Variants in TBC1D5 observed in about 807,000 individuals in gnomAD.
TBC1D5 encodes the protein TBC1 domain family member 5.
A neutral mutation model predicts 100.3 loss-of-function variants in TBC1D5; 75 were observed. The ratio of observed to expected loss-of-function variants is 0.75; its 90% CI spans 0.62 to 0.91. The LOEUF is 0.91. Ranked by LOEUF, TBC1D5 falls within the 40% of genes least tolerant of loss-of-function variation. The probability of loss-of-function intolerance (pLI) is 0.00; values close to 1 mark genes in which losing one functional copy is unlikely to be tolerated. For missense variants in TBC1D5, 910 were observed against 942.4 expected (o/e 0.97, Z 0.45); for synonymous variants, 323 against 325.6 (o/e 0.99, Z 0.09).
intron 3 of TBC1D5, among the ~76,000 whole-genome samples, chr3:17,477,435 T>C (rs1377309303): frequency 1.3e-5 from 2 of 152,020 alleles, no homozygotes. Context: ...TGAAAGAATT[T>C]TCTCTTTATG....
chr3:17,628,888 T>C (rs927018872), intron 1 of TBC1D5, among the ~76,000 whole-genome samples: 1 of 152,260 alleles, frequency 6.6e-6, no homozygotes, highest in Non-Finnish European at 1.5e-5. Flanking sequence ...CTGTATGATA[T>C]AGTGAACTCA....
chr3:17,331,744 A>T (rs980494828), intron 13 of TBC1D5, among the ~76,000 whole-genome samples: 5 of 152,224 alleles, frequency 3.3e-5, no homozygotes, highest in Admixed American at 3.3e-4. Context: ...GGGATAGTGA[A>T]TCATAAACAA....
intron 3 of TBC1D5, among the ~76,000 whole-genome samples, chr3:17,484,779 C>T (rs866553639): frequency 5.9e-5 from 9 of 151,970 alleles, no homozygotes; most frequent in Non-Finnish European, 1.2e-4. Flanking sequence ...CCACTAGGCC[C>T]GACCTTAAAA....
intron 3 of TBC1D5, among the ~76,000 whole-genome samples, chr3:17,432,760 A>G (rs1450725918): frequency 6.6e-6 from 1 of 152,224 alleles, no homozygotes; most frequent in Non-Finnish European, 1.5e-5. Context: ...AATTTGAGAA[A>G]AGGATGCTTT....
intron 9 of TBC1D5, among the ~76,000 whole-genome samples, chr3:17,380,484 T>C (rs139899160): frequency 3.9e-5 from 6 of 152,172 alleles, no homozygotes; most frequent in Non-Finnish European, 5.9e-5. Context: ...ATAATAATCA[T>C]GAATTCAATA....
chr3:17,191,607 C>A (rs919218319), intron 18 of TBC1D5, among the ~76,000 whole-genome samples: 3 of 151,976 alleles, frequency 2.0e-5, no homozygotes, highest in African/African-American at 7.3e-5. Flanking sequence ...GTATGCTATG[C>A]AAACCTTATT....
chr3:17,369,536 A>G (rs2092355546), intron 13 of TBC1D5, among the ~76,000 whole-genome samples: 1 of 152,076 alleles, frequency 6.6e-6, no homozygotes, highest in South Asian at 2.1e-4. Context: ...ATTATTAGAG[A>G]TGGGGGTCTT....
chr3:17,547,075 G>A (rs1357335017), intron 2 of TBC1D5: 7 of 151,998 alleles, frequency 4.6e-5, no homozygotes, highest in Non-Finnish European at 5.9e-5. Flanking sequence ...AGCAGCAGGG[G>A]GCTTTAGAAA....
At chr3:17,419,541 A>G (rs1417174091) in intron 4 of TBC1D5, among the ~76,000 whole-genome samples, 1 of 152,310 alleles carries the variant, frequency 6.6e-6, no homozygotes, top group African/African-American at 2.4e-5. Flanking sequence ...AAGAGTGGAA[A>G]ATGAAGACCA....
intron 1 of TBC1D5, among the ~76,000 whole-genome samples, chr3:17,734,840 CT>C (rs1447484918): frequency 4.6e-5 from 7 of 152,040 alleles, no homozygotes; most frequent in Non-Finnish European, 8.8e-5. Flanking sequence ...AATCCAAACA[CT>C]TTGGGAGGCC....
chr3:17,601,680 C>T (rs1021847682), intron 2 of TBC1D5, among the ~76,000 whole-genome samples: 4 of 152,222 alleles, frequency 2.6e-5, no homozygotes, highest in Admixed American at 2.6e-4. Flanking sequence ...TTTTTAGAAA[C>T]TTGTCATTTC....
chr3:17,203,009 C>T (rs2071668666), intron 18 of TBC1D5, among the ~76,000 whole-genome samples: 1 of 152,218 alleles, frequency 6.6e-6, no homozygotes. Context: ...CTCCAGACCC[C>T]AGAATGGTAG....
chr3:17,563,483 C>A (rs145850536), intron 2 of TBC1D5, among the ~76,000 whole-genome samples: 3 of 152,086 alleles, frequency 2.0e-5, no homozygotes, highest in African/African-American at 7.2e-5. Flanking sequence ...GAAGCAAAGG[C>A]AAAAATATAT....
At chr3:17,507,424 G>A (rs909683905) in intron 3 of TBC1D5, among the ~76,000 whole-genome samples, 1 of 152,066 alleles carries the variant, frequency 6.6e-6, no homozygotes, top group Non-Finnish European at 1.5e-5. Flanking sequence ...AAATAACAAT[G>A]GCATTTGTAT....
intron 16 of TBC1D5, among the ~76,000 whole-genome samples, chr3:17,247,652 G>T (rs781706991): frequency 2.0e-5 from 3 of 152,188 alleles, no homozygotes; most frequent in Non-Finnish European, 4.4e-5. Flanking sequence ...TTCTTTTAAA[G>T]AAAGGTTTCT....
At chr3:17,726,058 A>G (rs1167732224) in intron 1 of TBC1D5, among the ~76,000 whole-genome samples, 1 of 152,042 alleles carries the variant, frequency 6.6e-6, no homozygotes, top group African/African-American at 2.4e-5. Context: ...ATTCTTTTTT[A>G]TGGCTGCATG....
At position 17,250,664 on chromosome 3, in the gene TBC1D5, C is replaced by T. The variant is rs1385386228; in HGVS notation, c.1331+7842G>A. 2.0e-5 allele frequency among the ~76,000 whole-genome samples: 3 copies of T among 152,214 alleles called. No individual in the cohort carries two copies. In the South Asian group the frequency reaches 6.2e-4, roughly 31 times the overall value. On this transcript the variant is annotated intron_variant, in intron 16 of 21. Coordinates refer to ENST00000253692, the Ensembl canonical transcript of TBC1D5. ...TTCTTCCCCAAGAATCCACGTGGCA[C>T]CCTCACTATTCAGTCTGTTCAAATA... is the stretch of plus-strand genomic sequence containing the variant.
chr3:17,293,011 C>T (rs750855109), intron 14 of TBC1D5, among the ~76,000 whole-genome samples: 1 of 152,162 alleles, frequency 6.6e-6, no homozygotes, highest in Non-Finnish European at 1.5e-5. Context: ...CTTCCTACTT[C>T]TCCCCCTCCT....
intron 13 of TBC1D5, among the ~76,000 whole-genome samples, chr3:17,317,462 A>G (rs572496071): frequency 6.6e-6 from 1 of 152,316 alleles, no homozygotes; most frequent in African/African-American, 2.4e-5. Flanking sequence ...CTAGAAGTCC[A>G]GCTCAAAATG....
Sources: gnomAD v4.1 joint callset for allele counts (sites outside exome capture counted in the v4.1 genomes callset) on GRCh38, gnomAD v4.1.1 for gene constraint, MANE v1.5 for transcripts, NCBI Gene and HGNC (gene_info 2026-07-23, HGNC 2026-07-21) for gene names.